HAUS4: variants seen among roughly 807,000 people sequenced by gnomAD.
HAUS4 encodes the protein HAUS augmin like complex subunit 4.
In HAUS4, 34 loss-of-function variants were observed where a neutral mutation model predicts 50.6. The observed-to-expected ratio is 0.67, with a 90% CI of 0.51 to 0.90. HAUS4 has a LOEUF of 0.90. Ranked by LOEUF, HAUS4 falls within the 40% of genes least tolerant of loss-of-function variation. HAUS4 has a pLI of 0.00. For missense variants in HAUS4, 370 were observed against 428.7 expected (o/e 0.86, Z 1.21); for synonymous variants, 149 against 161.4 (o/e 0.92, Z 0.58).
intron 1 of HAUS4, among the ~76,000 whole-genome samples, chr14:22,956,417 TAAA>T (rs996276887): frequency 6.6e-6 from 1 of 152,162 alleles, no homozygotes; most frequent in Non-Finnish European, 1.5e-5. Flanking sequence ...TGACTGCAAA[TAAA>T]AAGTTTTGCA....
Position 22,950,352 on chromosome 14 carries a change from T to A in HAUS4, c.524A>T (p.Lys175Ile). The part of the protein sequence containing the change: ...QQEVEEQLKK[K>I]CFTLLCYYDP... ...ATAGTAGCAGAGCAGAGTGAAACAT[T>A]TCTTTTTGAGCTGCTCCTCTACTTC... The change falls in exon 6 of 10, where the codon AAA becomes ATA. Residue 175 changes from lysine to isoleucine, a missense_variant. By Grantham distance (102) the Lys-to-Ile change is moderately radical. Coordinates refer to ENST00000541587, the MANE Select transcript of HAUS4 (RefSeq NM_001166269.2). 5 of 1,613,070 alleles carry A rather than the reference T, an allele frequency of 3.1e-6. No individual in the cohort carries two copies. Among genetic ancestry groups the A allele is most frequent in the Non-Finnish European group, 4.2e-6 (5 of 1,179,084 alleles).
In HAUS4 at chr14:22,954,927, G is replaced by A. The variant is rs1394457481; in HGVS notation, c.55+173C>T. Among the ~76,000 whole-genome samples the A allele has an allele frequency of 2.6e-5, 4 of 151,876 alleles. No homozygotes were observed. The East Asian group carries it at 5.8e-4, about 22-fold the overall frequency. On this transcript the variant is annotated intron_variant, in intron 2 of 9. Coordinates refer to ENST00000541587, the MANE Select transcript of HAUS4 (RefSeq NM_001166269.2). ...TTTTTAGTAGAGACAGGGTTTCACC[G>A]TGTTAGCCAGGATGGTCTCGATCTC...
In HAUS4 at chr14:22,953,393, T is replaced by C. The variant is rs944542933; in HGVS notation, c.56-710A>G. 2.6e-5 allele frequency among the ~76,000 whole-genome samples: 4 copies of C among 152,184 alleles called. No homozygotes were observed. In the East Asian group the frequency reaches 7.7e-4, roughly 29 times the overall value. ...CTCAAGTGATCCTCCCACCTTGGCA[T>C]CTCAAAGTGCTGGGATTACAGGTGT... On this transcript the variant is annotated intron_variant, in intron 2 of 9. Transcript: ENST00000541587.
rs536423902 is a variant in HAUS4 at position 22,954,919 on chromosome 14, GT to G, written c.55+180del. On this transcript the variant is annotated intron_variant, in intron 2 of 9. Coordinates refer to ENST00000541587, the MANE Select transcript of HAUS4 (RefSeq NM_001166269.2). ...TTTTCGTATTTTTAGTAGAGACAGGGTTTCACCGTGTTAGCCAGGATGGTCT... is the reference window on the plus strand; with the variant it reads ...TTTTCGTATTTTTAGTAGAGACAGGGTTCACCGTGTTAGCCAGGATGGTCT... Among the ~76,000 whole-genome samples the G allele has an allele frequency of 1.4e-4, 21 of 152,046 alleles. 1 individual carries two copies. The South Asian group carries it at 2.1e-3, about 15-fold the overall frequency.
intron 1 of HAUS4, chr14:22,955,677 T>C (rs986193131): frequency 6.5e-6 from 1 of 152,974 alleles, no homozygotes; most frequent in Non-Finnish European, 1.5e-5. Flanking sequence ...TTTTTTTTTT[T>C]ATCATTAACT....
chr14:22,955,146 G>A lies in HAUS4; in HGVS notation c.9C>T (p.Ser3=), dbSNP rs146819079. 6.9e-4 allele frequency: 1,115 copies of A among 1,610,690 alleles called. No homozygotes were observed. Among genetic ancestry groups the A allele is most frequent in the Middle Eastern group, 1.8e-3 (11 of 6,074 alleles). Residue 3 remains serine (S), a synonymous_variant, in exon 2 of 10, where the codon TCC becomes TCT. Transcript: ENST00000541587. ...CTTCTCCAGGTGAGCAGAAATCCCC[G>A]GATGCCATTTGATTTTCTTGGGATT... is the stretch of plus-strand genomic sequence containing the variant. MA[S]GDFCSPGEGM...
Position 22,950,404 on chromosome 14 carries a change from C to A in HAUS4, c.472G>T (p.Val158Leu), listed in dbSNP as rs577740087. 6.2e-7 allele frequency: 1 copy of A among 1,605,652 alleles called. No individual in the cohort carries two copies. Among genetic ancestry groups the A allele is most frequent in the African/African-American group, 1.3e-5 (1 of 74,894 alleles). The change falls in exon 6 of 10, where the codon GTG (valine) becomes TTG (leucine). Residue 158 changes from valine (V) to leucine (L), a missense_variant. Coordinates refer to ENST00000541587, the MANE Select transcript of HAUS4 (RefSeq NM_001166269.2). ...TGCTGTAGCCGAGCCCTCATCCACACAAAATCCTACAGTCATAGAAGTAAA... is the reference window on the plus strand; with the variant it reads ...TGCTGTAGCCGAGCCCTCATCCACAAAAAATCCTACAGTCATAGAAGTAAA... The part of the protein sequence containing the change: ...LELMPLSEDF[V>L]WMRARLQQEV...
rs923339175 is a variant in HAUS4 at position 22,955,165 on chromosome 14, T to C, written c.-11A>G. 3.1e-6 allele frequency: 5 copies of C among 1,604,356 alleles called. No homozygotes were observed. The South Asian group carries it at 5.5e-5, about 18-fold the overall frequency. ...ATCCCCGGATGCCATTTGATTTTCT[T>C]GGGATTCTAATCTGTGGAACCAAGA... On this transcript the variant is annotated 5_prime_UTR_variant, in exon 2 of 10. Transcript: ENST00000541587.
At chr14:22,949,683 C>A (rs1433622353) in intron 6 of HAUS4, among the ~76,000 whole-genome samples, 2 of 152,206 alleles carry the variant, frequency 1.3e-5, no homozygotes, top group East Asian at 3.9e-4. Flanking sequence ...TGGTATTATA[C>A]CCTCCAAGCT....
intron 2 of HAUS4, 45 bp downstream of exon 2, chr14:22,955,055 C>T (rs1340922551): frequency 7.3e-7 from 1 of 1,375,864 alleles, no homozygotes. Context: ...TGGATAAGAC[C>T]TCTCTGGATA....
intron 8 of HAUS4, 121 bp from the exon 9 acceptor site, chr14:22,947,360 G>A (rs1398408026): frequency 3.9e-6 from 3 of 775,500 alleles, no homozygotes; most frequent in Admixed American, 2.2e-5. Flanking sequence ...GATAAACAAG[G>A]TCACTCTGAA....
chr14:22,951,816 A>T, intron 4 of HAUS4, 127 bp from the exon 5 acceptor site: 1 of 793,180 alleles, frequency 1.3e-6, no homozygotes, highest in East Asian at 2.6e-5. Context: ...CCCCCCTCAG[A>T]TAACTCAGCT....
intron 5 of HAUS4, 152 bp from the exon 6 acceptor site, chr14:22,950,562 G>A (rs146480625): frequency 7.1e-5 from 41 of 575,140 alleles, no homozygotes; most frequent in Admixed American, 1.1e-4. Flanking sequence ...TCAAATTAGC[G>A]AAGAATAAAA....
chr14:22,947,925 C>T lies in HAUS4; in HGVS notation c.651G>A (p.Lys217=). 6.2e-7 allele frequency: 1 copy of T among 1,614,158 alleles called. No homozygotes were observed. The highest frequency in any genetic ancestry group is 1.1e-5 in the South Asian group (1 of 91,088). ...GCAACATCTGCTCCTTCTGCTGGCTCTTGGCATCCTGGCACTGCTGCTGCT... is the reference window on the plus strand; with the variant it reads ...GCAACATCTGCTCCTTCTGCTGGCTTTTGGCATCCTGGCACTGCTGCTGCT... ...VGEQQQCQDA[K]SQQKEQMLLL... is the part of the protein sequence containing the mutation. Residue 217 remains lysine (K), a synonymous_variant, in exon 7 of 10, where the codon AAG becomes AAA. Transcript: ENST00000541587.
chr14:22,951,479 G>A (rs1555356108), intron 5 of HAUS4, 76 bp downstream of exon 5: 2 of 1,520,538 alleles, frequency 1.3e-6, no homozygotes, highest in Non-Finnish European at 1.8e-6. Flanking sequence ...AATAAAGCTT[G>A]ACAAAAAAAA....
In HAUS4 at chr14:22,947,874, G is replaced by A; in HGVS notation, c.702C>T (p.Tyr234=). 6.2e-7 allele frequency: 1 copy of A among 1,613,246 alleles called. No homozygotes were observed. Among genetic ancestry groups the A allele is most frequent in the Non-Finnish European group, 8.5e-7 (1 of 1,179,620 alleles). Residue 234 remains tyrosine (Y), a synonymous_variant, in exon 7 of 10, where the codon TAC becomes TAT. Transcript: ENST00000541587. ...MLLLEKKSAA[Y]SQVLLRCLTL... is the part of the protein sequence containing the mutation. ...GTCCCATGCCCTGATAAACCTGGGA[G>A]TAAGCAGCACTCTTCTTCTCCAGCA...
chr14:22,946,676 TC>T lies in HAUS4; in HGVS notation c.940del (p.Glu314SerfsTer11). The part of the protein sequence containing the change: ...DRLEGAIHLQ[E>X]QDMENSRQVL... ...CTGTCTTGAGTTCTCCATGTCCTGCTCCTGTAGGTGAATGGCTCCCTCCAAA... is the reference window on the plus strand; with the variant it reads ...CTGTCTTGAGTTCTCCATGTCCTGCTCTGTAGGTGAATGGCTCCCTCCAAA... On this transcript the variant is annotated frameshift_variant, in exon 10 of 10. Transcript: ENST00000541587. LOFTEE classifies it high-confidence loss of function. 6.2e-7 allele frequency: 1 copy of T among 1,613,052 alleles called. No individual in the cohort carries two copies. The highest frequency in any genetic ancestry group is 1.1e-5 in the South Asian group (1 of 90,942).
At position 22,952,598 on chromosome 14, in the gene HAUS4, G is replaced by C; in HGVS notation, c.141C>G (p.Leu47=). The change falls in exon 3 of 10, where the codon CTC becomes CTG. Residue 47 remains leucine, a synonymous_variant. Coordinates refer to ENST00000541587, the MANE Select transcript of HAUS4 (RefSeq NM_001166269.2). ...AGCCACTCTCATCCACATGCTGTGAGAGATTCAGGAGAAGCTTGCTGAAGT... is the reference window on the plus strand; with the variant it reads ...AGCCACTCTCATCCACATGCTGTGACAGATTCAGGAGAAGCTTGCTGAAGT... ...NPYFSKLLLN[L]SQHVDESGLS... 6.2e-7 allele frequency: 1 copy of C among 1,614,020 alleles called. No individual in the cohort carries two copies. The highest frequency in any genetic ancestry group is 8.5e-7 in the Non-Finnish European group (1 of 1,179,968).
rs376626255 is a variant in HAUS4 at position 22,947,743 on chromosome 14, A to G, written c.709-12T>C. The G allele has an allele frequency of 1.2e-6, 2 of 1,613,900 alleles. No individual in the cohort carries two copies. Among genetic ancestry groups the G allele is most frequent in the African/African-American group, 1.3e-5 (1 of 75,044 alleles). ...CAGCGGAGAAGCACCTGAGCCCAAGATGGAGGAAGAAGAGGGCATAAATAA... is the reference window on the plus strand; with the variant it reads ...CAGCGGAGAAGCACCTGAGCCCAAGGTGGAGGAAGAAGAGGGCATAAATAA... On this transcript the variant is annotated splice_polypyrimidine_tract_variant and intron_variant, in intron 7 of 9. Coordinates refer to ENST00000541587, the MANE Select transcript of HAUS4 (RefSeq NM_001166269.2).
Sources: gnomAD v4.1 joint callset for allele counts (sites outside exome capture counted in the v4.1 genomes callset) on GRCh38, gnomAD v4.1.1 for gene constraint, MANE v1.5 for transcripts, NCBI Gene and HGNC (gene_info 2026-07-23, HGNC 2026-07-21) for gene names.